TMEM260: variants seen among roughly 807,000 people sequenced by gnomAD.
TMEM260 encodes protein O-mannosyl-transferase TMEM260.
TMEM260 carries 82 observed loss-of-function variants against 88.9 expected under a neutral mutation model. The observed-to-expected ratio is 0.92, with a 90% confidence interval of 0.77 to 1.11. The LOEUF (loss-of-function observed/expected upper bound fraction) is 1.11. TMEM260 is among the 50% of genes least tolerant of loss of function. The pLI, the probability that TMEM260 is intolerant of heterozygous loss-of-function variation, is 0.00. For missense variants in TMEM260, 902 were observed against 853.4 expected, an observed-to-expected ratio of 1.06 and a Z score of -0.71; for synonymous variants, 314 against 309.3, an observed-to-expected ratio of 1.02 and a Z score of -0.16.
At chr14:56,618,904 T>A in intron 10 of TMEM260, 141 bp downstream of exon 10, 2 of 810,538 alleles carry the variant, frequency 2.5e-6, no homozygotes, top group Non-Finnish European at 3.8e-6. Flanking sequence ...AGTAGTTCTT[T>A]AACTTTTAGG....
chr14:56,616,404 C>A (rs1887595779), intron 8 of TMEM260: 1 of 162,066 alleles, frequency 6.2e-6, no homozygotes, highest in South Asian at 1.9e-4. Context: ...CACTGTAAAT[C>A]TCCATTAATT....
At chr14:56,654,341 G>A (rs902045794), downstream of TMEM260, among the ~76,000 whole-genome samples, 6 of 152,118 alleles carry the variant, frequency 3.9e-5, no homozygotes, top group East Asian at 1.9e-4. Flanking sequence ...TTTGAAAAAT[G>A]TTGCACTAGT....
the TMEM260 span, among the ~76,000 whole-genome samples, chr14:56,659,261 G>GTTTTTTTTTTTTTTT: frequency 7.1e-6 from 1 of 140,378 alleles, no homozygotes; most frequent in Non-Finnish European, 1.5e-5. Context: ...TTTGGTTTTT[G>GTTTTTTTTTTTTTTT]TTTTTTTTTT....
chr14:56,623,040 TA>T (rs1888030625), intron 11 of TMEM260, among the ~76,000 whole-genome samples: 1 of 152,242 alleles, frequency 6.6e-6, no homozygotes, highest in Non-Finnish European at 1.5e-5. Context: ...GAATTAGACC[TA>T]AACTCAAGTC....
intron 1 of TMEM260, among the ~76,000 whole-genome samples, chr14:56,581,717 C>G (rs1414101102): frequency 6.6e-6 from 1 of 152,098 alleles, no homozygotes; most frequent in Non-Finnish European, 1.5e-5. Flanking sequence ...TATTATTTTC[C>G]TTTTATAAAT....
chr14:56,602,601 T>C (rs1886643892), intron 3 of TMEM260, among the ~76,000 whole-genome samples: 1 of 152,012 alleles, frequency 6.6e-6, no homozygotes. Flanking sequence ...AATAATTAAG[T>C]GTAAGGCAGT....
At chr14:56,585,060 A>G (rs369041497) in intron 2 of TMEM260, 28 bp downstream of exon 2, 51 of 1,602,762 alleles carry the variant, frequency 3.2e-5, no homozygotes, top group Admixed American at 2.0e-4. Flanking sequence ...TGTTTAATCA[A>G]TGCTCTCATT....
chr14:56,632,054 T>C (rs1888647177), intron 12 of TMEM260, among the ~76,000 whole-genome samples: 1 of 152,164 alleles, frequency 6.6e-6, no homozygotes, highest in Non-Finnish European at 1.5e-5. Context: ...TGGTGGTCTG[T>C]CCTGTGGTTA....
At chr14:56,591,059 C>T (rs1379420975) in intron 3 of TMEM260, among the ~76,000 whole-genome samples, 2 of 152,192 alleles carry the variant, frequency 1.3e-5, no homozygotes, top group African/African-American at 2.4e-5. Context: ...TGCATAATTT[C>T]TAATAAGTGG....
At chr14:56,636,448 T>A in intron 14 of TMEM260, 60 bp from the exon 15 acceptor site, 1 of 1,345,358 alleles carries the variant, frequency 7.4e-7, no homozygotes, top group Non-Finnish European at 1.1e-6. Flanking sequence ...AAGATTTAGC[T>A]AGCCCTGAAT....
intron 15 of TMEM260, 98 bp downstream of exon 15, chr14:56,636,696 A>T (rs1487368460): frequency 7.6e-6 from 8 of 1,052,162 alleles, no homozygotes; most frequent in South Asian, 1.5e-5. Context: ...TAGAATTTTT[A>T]TTATTTTATT....
At chr14:56,624,179 T>C (rs1411668526) in intron 11 of TMEM260, among the ~76,000 whole-genome samples, 1 of 152,230 alleles carries the variant, frequency 6.6e-6, no homozygotes, top group African/African-American at 2.4e-5. Flanking sequence ...TCTTATTCAT[T>C]ATAGATGAGC....
At chr14:56,619,014 C>T (rs915991612) in intron 10 of TMEM260, among the ~76,000 whole-genome samples, 4 of 152,124 alleles carry the variant, frequency 2.6e-5, no homozygotes, top group Admixed American at 6.5e-5. Context: ...ATCTTTTTCT[C>T]TTAAGAACCC....
chr14:56,653,740 A>AAAAAAAAAAAAAAC (rs1890248193), downstream of TMEM260, among the ~76,000 whole-genome samples: 1 of 128,106 alleles, frequency 7.8e-6, no homozygotes, highest in Non-Finnish European at 1.7e-5. Flanking sequence ...TGTCTCCAAA[A>AAAAAAAAAAAAAAC]CAAAAAAAAA....
the TMEM260 span, among the ~76,000 whole-genome samples, chr14:56,659,037 CTAT>C: frequency 2.8e-4 from 43 of 152,260 alleles, no homozygotes; most frequent in East Asian, 5.6e-3. Context: ...ACAAAAAATA[CTAT>C]TATTAGAAAT....
chr14:56,618,130 G>A (rs957080859), intron 9 of TMEM260, among the ~76,000 whole-genome samples: 7 of 152,070 alleles, frequency 4.6e-5, no homozygotes, highest in African/African-American at 1.7e-4. Flanking sequence ...ACTTCCAGGA[G>A]AAAGTGAGAT....
chr14:56,626,798 C>G (rs1446218842), intron 12 of TMEM260, among the ~76,000 whole-genome samples: 1 of 152,158 alleles, frequency 6.6e-6, no homozygotes, highest in African/African-American at 2.4e-5. Flanking sequence ...TTTGAGGAAA[C>G]TCTAAACAAC....
intron 11 of TMEM260, among the ~76,000 whole-genome samples, chr14:56,622,297 C>A (rs368210232): frequency 7.6e-6 from 1 of 130,902 alleles, no homozygotes; most frequent in East Asian, 2.3e-4. Flanking sequence ...GAGCCGAGAT[C>A]GTGTCACTGC....
Position 56,625,405 on chromosome 14 carries a change from ACC to A in TMEM260, c.1424_1425del (p.Pro475GlnfsTer25). 6.2e-7 allele frequency: 1 copy of A among 1,613,936 alleles called. No homozygotes were observed. Among genetic ancestry groups the A allele is most frequent in the Non-Finnish European group, 8.5e-7 (1 of 1,179,970 alleles). ...QEMMTYEWYL[P>X]KMAKHLPGVN... is the part of the protein sequence containing the mutation. ...AGATGATGACTTACGAGTGGTATTTACCCAAGATGGCAAAGCACTTGCCAGGT... is the reference window on the plus strand; with the variant it reads ...AGATGATGACTTACGAGTGGTATTTACAAGATGGCAAAGCACTTGCCAGGT... On this transcript the variant is annotated frameshift_variant, in exon 12 of 16. Coordinates refer to ENST00000261556, the MANE Select transcript of TMEM260 (RefSeq NM_017799.4). LOFTEE classifies it high-confidence loss of function.
Sources: allele counts gnomAD v4.1 joint callset (sites outside exome capture counted in the v4.1 genomes callset), GRCh38; gene constraint gnomAD v4.1.1; transcripts MANE v1.5; gene names NCBI Gene and HGNC (gene_info 2026-07-23, HGNC 2026-07-21).